TSHZ2: variants seen among roughly 807,000 people sequenced by gnomAD.
TSHZ2 encodes teashirt homolog 2.
In TSHZ2, 21 loss-of-function variants were observed where a neutral mutation model predicts 74.4. The ratio of observed to expected loss-of-function variants is 0.28; its 90% CI spans 0.20 to 0.41. The LOEUF is 0.41. Among genes scored for constraint, TSHZ2 ranks in the 10% least tolerant of loss-of-function variants. The pLI is 1.00. For synonymous variants in TSHZ2, 540 were observed against 515.3 expected, an observed-to-expected ratio of 1.05 and a Z score of -0.65; for missense variants, 1,244 against 1,293.5, an observed-to-expected ratio of 0.96 and a Z score of 0.59.
intron 2 of TSHZ2, among the ~76,000 whole-genome samples, chr20:53,291,902 A>G (rs960432081): frequency 6.6e-6 from 1 of 151,884 alleles, no homozygotes; most frequent in Non-Finnish European, 1.5e-5. Context: ...CAGTCAAGTT[A>G]TTGGGATACT....
At chr20:53,065,354 T>A (rs1183090996) in intron 1 of TSHZ2, among the ~76,000 whole-genome samples, 3 of 152,128 alleles carry the variant, frequency 2.0e-5, no homozygotes, top group Non-Finnish European at 4.4e-5. Flanking sequence ...CATTCATCTG[T>A]CAAAAGGGAG....
chr20:53,385,765 G>C (rs1982021087), intron 2 of TSHZ2, among the ~76,000 whole-genome samples: 1 of 152,088 alleles, frequency 6.6e-6, no homozygotes, highest in Non-Finnish European at 1.5e-5. Context: ...CAGGGACCAG[G>C]GATAACAACG....
At chr20:53,352,828 T>C (rs1044254937) in intron 2 of TSHZ2, among the ~76,000 whole-genome samples, 1 of 150,970 alleles carries the variant, frequency 6.6e-6, no homozygotes, top group African/African-American at 2.4e-5. Flanking sequence ...AGGCATCAAC[T>C]TCGGAGAGGA....
chr20:53,081,275 T>C lies in TSHZ2; in HGVS notation c.40+107942T>C, dbSNP rs75996084. ...TTAAACTCCTGGCATCAAGTGATCC[T>C]GCCTCAAACTCCCAAAGTCCTGAAA... On this transcript the variant is annotated intron_variant, in intron 1 of 2. Transcript: ENST00000371497. Among the ~76,000 whole-genome samples the C allele has an allele frequency of 7.4e-3, 1,123 of 152,340 alleles. 15 individuals carry two copies. Among genetic ancestry groups the C allele is most frequent in the African/African-American group, 0.026 (1,083 of 41,564 alleles).
chr20:53,142,978 G>A (rs1311877438), intron 1 of TSHZ2, among the ~76,000 whole-genome samples: 1 of 152,190 alleles, frequency 6.6e-6, no homozygotes, highest in Non-Finnish European at 1.5e-5. Flanking sequence ...ATCGCATTGA[G>A]TAACTTTGCT....
At chr20:53,223,932 C>CACACACA (rs1989624669) in intron 1 of TSHZ2, among the ~76,000 whole-genome samples, 1 of 150,084 alleles carries the variant, frequency 6.7e-6, no homozygotes, top group African/African-American at 2.4e-5. Flanking sequence ...CACACACACA[C>CACACACA]CCCTAAGTTT....
chr20:53,309,424 G>T (rs2145497571), intron 2 of TSHZ2, among the ~76,000 whole-genome samples: 1 of 152,036 alleles, frequency 6.6e-6, no homozygotes, highest in Non-Finnish European at 1.5e-5. Context: ...GAGAAGCAAA[G>T]AGAAAGGAGA....
chr20:53,459,704 C>T (rs2145807768), intron 2 of TSHZ2, among the ~76,000 whole-genome samples: 2 of 141,460 alleles, frequency 1.4e-5, no homozygotes, highest in East Asian at 4.0e-4. Flanking sequence ...ACCGGTTGTT[C>T]TTTTCCATGT....
intron 1 of TSHZ2, among the ~76,000 whole-genome samples, chr20:52,999,500 T>C (rs774727236): frequency 3.3e-5 from 5 of 152,210 alleles, no homozygotes; most frequent in Non-Finnish European, 5.9e-5. Flanking sequence ...TCTCCTCAGT[T>C]AGCATCGGTT....
At chr20:53,370,028 G>A in intron 2 of TSHZ2, among the ~76,000 whole-genome samples, 1 of 152,100 alleles carries the variant, frequency 6.6e-6, no homozygotes, top group Non-Finnish European at 1.5e-5. Flanking sequence ...GGAATGTCAG[G>A]AGACGTCTGG....
At chr20:53,435,264 T>C (rs1454006320) in intron 2 of TSHZ2, among the ~76,000 whole-genome samples, 1 of 152,202 alleles carries the variant, frequency 6.6e-6, no homozygotes, top group Non-Finnish European at 1.5e-5. Context: ...AAGATGCTAA[T>C]GGATGCAAAG....
rs916604633 is a variant in TSHZ2 at position 53,189,395 on chromosome 20, T to C, written c.41-64104T>C. Among the ~76,000 whole-genome samples, 3 of 152,330 alleles carry C rather than the reference T, an allele frequency of 2.0e-5. No individual in the cohort carries two copies. In the East Asian group the frequency reaches 5.8e-4, roughly 29 times the overall value. On this transcript the variant is annotated intron_variant, in intron 1 of 2. Coordinates refer to ENST00000371497, the MANE Select transcript of TSHZ2 (RefSeq NM_173485.6). ...TCTGTTCAGCTCTGTGCAAGAAATA[T>C]GGACTCAGTGGTATCAGATCACCTG...
intron 2 of TSHZ2, among the ~76,000 whole-genome samples, chr20:53,372,737 T>C (rs1348170222): frequency 6.6e-6 from 1 of 152,134 alleles, no homozygotes; most frequent in African/African-American, 2.4e-5. Context: ...AGCTGGAAAA[T>C]GTCTTAGTGG....
chr20:53,255,851 T>C lies in TSHZ2; in HGVS notation c.2393T>C (p.Met798Thr), dbSNP rs1177659743. 1.9e-6 allele frequency: 3 copies of C among 1,611,426 alleles called. No homozygotes were observed. Among genetic ancestry groups the C allele is most frequent in the South Asian group, 2.2e-5 (2 of 90,760 alleles). Residue 798 changes from methionine to threonine, a missense_variant, in exon 2 of 3, where the codon ATG (methionine) becomes ACG (threonine). Transcript: ENST00000371497. This position sits in a 1 kb window ranked among gnomAD's most constrained non-coding sequence, Gnocchi z 4.1. ...QKHALSDIAD[M>T]VKVLPKATTP... is the part of the protein sequence containing the mutation. ...CACGCTCTGTCTGACATCGCCGACA[T>C]GGTCAAAGTCCTCCCCAAAGCCACC...
chr20:53,119,159 C>G (rs549925495), intron 1 of TSHZ2, among the ~76,000 whole-genome samples: 76 of 152,262 alleles, frequency 5.0e-4, no homozygotes, highest in Admixed American at 1.5e-3. Flanking sequence ...GGACACAGAT[C>G]CAAACCCTTT....
chr20:53,314,523 G>A (rs1978919915), intron 2 of TSHZ2, among the ~76,000 whole-genome samples: 1 of 151,790 alleles, frequency 6.6e-6, no homozygotes, highest in African/African-American at 2.4e-5. Flanking sequence ...GGAGGTCAAA[G>A]AAGTCCTCAG....
At chr20:53,433,131 C>T (rs1416603160) in intron 2 of TSHZ2, among the ~76,000 whole-genome samples, 1 of 152,182 alleles carries the variant, frequency 6.6e-6, no homozygotes, top group Non-Finnish European at 1.5e-5. Flanking sequence ...CCTCCTCAGC[C>T]AAACTGTGTA....
chr20:53,005,158 A>C (rs532282639), intron 1 of TSHZ2, among the ~76,000 whole-genome samples: 3 of 151,714 alleles, frequency 2.0e-5, no homozygotes, highest in Non-Finnish European at 2.9e-5. Flanking sequence ...CTAAAAATAC[A>C]AAAAAAATTA....
intron 1 of TSHZ2, among the ~76,000 whole-genome samples, chr20:53,063,677 A>G (rs192642166): frequency 1.3e-5 from 2 of 152,384 alleles, no homozygotes; most frequent in African/African-American, 2.4e-5. Flanking sequence ...ATGCATATGC[A>G]TATGCAAAAA....
Sources: allele counts gnomAD v4.1 joint callset (sites outside exome capture counted in the v4.1 genomes callset), GRCh38; gene constraint gnomAD v4.1.1; non-coding constraint Gnocchi (gnomAD v3.1); transcripts MANE v1.5; gene names NCBI Gene and HGNC (gene_info 2026-07-23, HGNC 2026-07-21).